The following VPS13C variants were observed in gnomAD, a reference collection of about 807,000 sequenced individuals.
VPS13C encodes the protein vacuolar protein sorting 13 homolog C, also known as intermembrane lipid transfer protein VPS13C.
VPS13C carries 358 observed loss-of-function variants against 456.8 expected under a neutral mutation model. The observed-to-expected ratio is 0.78, with a 90% CI of 0.72 to 0.86. VPS13C has a LOEUF of 0.86. Among genes scored for constraint, VPS13C ranks in the 40% least tolerant of loss-of-function variants. The probability of loss-of-function intolerance (pLI) is 0.00; values close to 1 mark genes in which losing one functional copy is unlikely to be tolerated. For synonymous variants in VPS13C, 1,578 were observed against 1,486.7 expected (o/e 1.06, Z -1.41); for missense variants, 4,818 against 4,385.4 (o/e 1.10, Z -2.79).
chr15:61,925,991 T>A (rs2140202551), intron 52 of VPS13C, among the ~76,000 whole-genome samples: 1 of 152,286 alleles, frequency 6.6e-6, no homozygotes, highest in South Asian at 2.1e-4. Flanking sequence ...AGAATAAAAG[T>A]CAATTCATCA....
Position 61,918,227 on chromosome 15 carries a change from T to C in VPS13C, c.7669A>G (p.Ile2557Val). Residue 2557 changes from isoleucine to valine, a missense_variant, in exon 59 of 85, where the codon ATC becomes GTC. By Grantham distance (29) the Ile-to-Val change is conservative (BLOSUM62 3). This residue lies in a region of VPS13C where 4,552 missense variants were observed against 4,130.6 expected (regional missense o/e 1.10). Coordinates refer to ENST00000644861, the MANE Select transcript of VPS13C (RefSeq NM_020821.3). ...TTAACATTCTTAACAAATTTATAGA[T>C]GATAAATGCAATGGAGAAATGGTTT... ...IKNHFSIAFI[I>V]YKFVKNVKLL... is the part of the protein sequence containing the mutation. 6.3e-7 allele frequency: 1 copy of C among 1,588,248 alleles called. No individual in the cohort carries two copies. The highest frequency in any genetic ancestry group is 8.6e-7 in the Non-Finnish European group (1 of 1,169,182).
At chr15:61,880,804 G>T in intron 72 of VPS13C, 39 bp downstream of exon 72, 1 of 1,559,490 alleles carries the variant, frequency 6.4e-7, no homozygotes, top group Non-Finnish European at 8.7e-7. Flanking sequence ...TTTAAATTTT[G>T]TTAATTTTAT....
intron 3 of VPS13C, among the ~76,000 whole-genome samples, chr15:62,038,869 T>C (rs2048150402): frequency 6.6e-6 from 1 of 152,078 alleles, no homozygotes; most frequent in East Asian, 1.9e-4. Context: ...TAACTAATTA[T>C]CAGAGAAATA....
chr15:62,025,845 A>G (rs753880785), intron 6 of VPS13C, among the ~76,000 whole-genome samples: 10 of 152,040 alleles, frequency 6.6e-5, no homozygotes, highest in Non-Finnish European at 1.5e-4. Flanking sequence ...TATGTGGGTT[A>G]TAACTACTGA....
chr15:62,032,372 C>A (rs953082097), intron 5 of VPS13C, among the ~76,000 whole-genome samples: 1 of 151,646 alleles, frequency 6.6e-6, no homozygotes, highest in Non-Finnish European at 1.5e-5. Flanking sequence ...TAAGCTTCAG[C>A]AGGAAGACAA....
chr15:61,863,216 A>C (rs897830032), intron 82 of VPS13C, among the ~76,000 whole-genome samples: 7 of 152,152 alleles, frequency 4.6e-5, no homozygotes, highest in African/African-American at 1.7e-4. Flanking sequence ...CCTAAGCCAC[A>C]CTGAGTCTCA....
In VPS13C at chr15:61,969,345, C is replaced by G; in HGVS notation, c.2865G>C (p.Val955=). The G allele has an allele frequency of 6.2e-7, 1 of 1,601,160 alleles. No homozygotes were observed. Among genetic ancestry groups the G allele is most frequent in the Non-Finnish European group, 8.5e-7 (1 of 1,174,488 alleles). ...AGCTGATTTTCTTTAAATAAGATAC[C>G]ACAGTTAAGTCAAATGTTCTCATTG... The part of the protein sequence containing the change: ...EATMRTFDLT[V]VSYLKKISLD... The change falls in exon 28 of 85, where the codon GTG becomes GTC. Residue 955 remains valine, a synonymous_variant. Coordinates refer to ENST00000644861, the MANE Select transcript of VPS13C (RefSeq NM_020821.3).
rs752621926 is a variant in VPS13C, at chr15:61,972,753, C to A, written c.2629G>T (p.Glu877Ter). Residue 877 changes from glutamate to a stop codon, truncating the protein, a stop_gained, in exon 27 of 85, where the codon GAG becomes TAG. Transcript: ENST00000644861. LOFTEE classifies it high-confidence loss of function. ...LDTVESESDD[E>*]YFDAEDGEPQ... Reference sequence around the variant, plus strand: ...TCTCCATCTTCAGCATCAAAATACTCATCATCAGACTCTAAAGGAAAAAGA... The same window carrying A: ...TCTCCATCTTCAGCATCAAAATACTAATCATCAGACTCTAAAGGAAAAAGA... 6 of 1,610,054 alleles carry A rather than the reference C, an allele frequency of 3.7e-6. No homozygotes were observed. The highest frequency in any genetic ancestry group is 5.1e-6 in the Non-Finnish European group (6 of 1,178,178).
At chr15:61,984,797 C>T (rs1194320876) in intron 19 of VPS13C, 60 bp downstream of exon 19, 17 of 1,530,538 alleles carry the variant, frequency 1.1e-5, no homozygotes, top group Non-Finnish European at 1.4e-5. Flanking sequence ...GAATAACACA[C>T]ATTTTTTGCC....
chr15:61,933,103 T>G (rs1017916642), intron 49 of VPS13C, among the ~76,000 whole-genome samples: 2 of 152,072 alleles, frequency 1.3e-5, no homozygotes, highest in African/African-American at 4.8e-5. Context: ...TGAGAAGTGA[T>G]AGAAAAAAGT....
intron 9 of VPS13C, among the ~76,000 whole-genome samples, chr15:62,015,641 T>C (rs1330658762): frequency 1.4e-5 from 2 of 140,164 alleles, no homozygotes; most frequent in Middle Eastern, 3.4e-3. Flanking sequence ...ATGGATGAAA[T>C]TGGAAACCAT....
At chr15:62,030,975 C>A (rs1224415516) in intron 5 of VPS13C, among the ~76,000 whole-genome samples, 1 of 152,050 alleles carries the variant, frequency 6.6e-6, no homozygotes, top group Non-Finnish European at 1.5e-5. Context: ...AGTACAGAAT[C>A]TAGCATTTGC....
chr15:61,946,398 G>C lies in VPS13C; in HGVS notation c.4889C>G (p.Ser1630Cys). The C allele has an allele frequency of 1.9e-6, 3 of 1,603,864 alleles. No homozygotes were observed. Among genetic ancestry groups the C allele is most frequent in the Non-Finnish European group, 2.6e-6 (3 of 1,175,864 alleles). The change falls in exon 44 of 85, where the codon TCT becomes TGT. Residue 1630 changes from serine (S) to cysteine (C), a missense_variant. By Grantham distance (112) the Ser-to-Cys change is moderately radical (BLOSUM62 -1). This residue lies in a region of VPS13C where 4,552 missense variants were observed against 4,130.6 expected (regional missense o/e 1.10). Coordinates refer to ENST00000644861, the MANE Select transcript of VPS13C (RefSeq NM_020821.3). ...ADIKIHGMDA[S>C]ISVKPKQTDV... ...AGTCTGCTTAGGCTTCACAGAAATAGAGGCATCCATTCCTATAGGAAACAT... is the reference window on the plus strand; with the variant it reads ...AGTCTGCTTAGGCTTCACAGAAATACAGGCATCCATTCCTATAGGAAACAT...
chr15:62,013,898 G>C (rs751282087), intron 10 of VPS13C, 35 bp downstream of exon 10: 3 of 1,492,134 alleles, frequency 2.0e-6, no homozygotes, highest in Non-Finnish European at 2.8e-6. Flanking sequence ...AGTGCACCTA[G>C]GAAACTAACA....
At chr15:61,976,331 T>C (rs541112367) in intron 24 of VPS13C, among the ~76,000 whole-genome samples, 158 of 152,162 alleles carry the variant, frequency 1.0e-3, no homozygotes, top group African/African-American at 3.7e-3. Flanking sequence ...AACTGATACA[T>C]ACAACATGAA....
chr15:62,057,290 T>C (rs2048834857), intron 1 of VPS13C, among the ~76,000 whole-genome samples: 1 of 152,222 alleles, frequency 6.6e-6, no homozygotes. Context: ...GAATTTTCAA[T>C]TTTTTGTAAA....
At chr15:61,958,566 A>G in intron 37 of VPS13C, 42 bp downstream of exon 37, 1 of 1,074,166 alleles carries the variant, frequency 9.3e-7, no homozygotes, top group Non-Finnish European at 1.4e-6. Flanking sequence ...CCATAAATAA[A>G]TAGACACATA....
chr15:62,051,599 C>CA (rs1343400852), intron 1 of VPS13C, among the ~76,000 whole-genome samples: 1 of 152,134 alleles, frequency 6.6e-6, no homozygotes, highest in East Asian at 1.9e-4. Flanking sequence ...CCCTGGACAA[C>CA]AAAAATGCCA....
Position 61,858,317 on chromosome 15 carries a change from ACTATCTATCTATCTATCTAT to A in VPS13C, c.10953-1928_10953-1909del, listed in dbSNP as rs55704364. On this transcript the variant is annotated intron_variant, in intron 82 of 84. Transcript: ENST00000644861. This position sits in a 1 kb window ranked among gnomAD's most constrained non-coding sequence, Gnocchi z 4.4. ...ACTCGAGATTTTTATCCAAACTCCA[ACTATCTATCTATCTATCTAT>A]CTATCTATCTATCTATCTATCTATC... is the stretch of plus-strand genomic sequence containing the variant. 1.9e-3 allele frequency among the ~76,000 whole-genome samples: 276 copies of A among 147,654 alleles called. No homozygotes were observed. The highest frequency in any genetic ancestry group is 6.4e-3 in the African/African-American group (255 of 39,844).
Sources: gnomAD v4.1 joint callset for allele counts (sites outside exome capture counted in the v4.1 genomes callset) on GRCh38, gnomAD v4.1.1 for gene constraint, gnomAD v4.1.1 regional missense constraint, Gnocchi (gnomAD v3.1) non-coding constraint, MANE v1.5 for transcripts, NCBI Gene and HGNC (gene_info 2026-07-23, HGNC 2026-07-21) for gene names.